Variants in NDST4 observed in about 807,000 individuals in gnomAD.
The protein encoded by NDST4 is N-heparan sulfate sulfotransferase 4.
A neutral mutation model predicts 100.8 loss-of-function variants in NDST4; 63 were observed. The observed-to-expected ratio is 0.62, with a 90% confidence interval of 0.51 to 0.77. The LOEUF (loss-of-function observed/expected upper bound fraction) is 0.77, where lower values mean the gene tolerates loss of function less well. Ranked by LOEUF, NDST4 falls within the 30% of genes least tolerant of loss-of-function variation. The pLI is 0.00. For missense variants in NDST4, 943 were observed against 1,018.4 expected (o/e 0.93, Z 1.01); for synonymous variants, 377 against 361.8 (o/e 1.04, Z -0.48).
chr4:114,966,173 C>A (rs57525667), intron 4 of NDST4, among the ~76,000 whole-genome samples: 2,601 of 152,024 alleles, frequency 0.017, 85 homozygotes, highest in African/African-American at 0.06. Context: ...CATATATGTG[C>A]ATGGAGTAAG....
At chr4:115,061,112 C>T (rs1170968047) in intron 2 of NDST4, among the ~76,000 whole-genome samples, 1 of 151,962 alleles carries the variant, frequency 6.6e-6, no homozygotes, top group Non-Finnish European at 1.5e-5. Flanking sequence ...ATCAAAACCA[C>T]AATGAGATAT....
intron 2 of NDST4, among the ~76,000 whole-genome samples, chr4:115,011,485 T>G (rs1727544919): frequency 6.6e-6 from 1 of 151,800 alleles, no homozygotes; most frequent in African/African-American, 2.4e-5. Context: ...TCCTGCAATC[T>G]CCAGTACTCA....
At chr4:114,887,017 G>A (rs1419651133) in intron 6 of NDST4, among the ~76,000 whole-genome samples, 3 of 152,064 alleles carry the variant, frequency 2.0e-5, no homozygotes, top group Non-Finnish European at 2.9e-5. Flanking sequence ...TTCTTTTTAC[G>A]AGGTACATAA....
At chr4:114,834,808 G>A (rs1263016519) in intron 11 of NDST4, among the ~76,000 whole-genome samples, 1 of 152,062 alleles carries the variant, frequency 6.6e-6, no homozygotes, top group African/African-American at 2.4e-5. Flanking sequence ...GTCTATTCAG[G>A]GATTTGACTT....
chr4:114,855,172 T>C (rs1176977819), intron 7 of NDST4, among the ~76,000 whole-genome samples: 2 of 152,188 alleles, frequency 1.3e-5, no homozygotes, highest in Admixed American at 1.3e-4. Context: ...CCCTTACATA[T>C]TCTGGTTAAA....
At chr4:115,073,786 G>T (rs1729126115) in intron 2 of NDST4, among the ~76,000 whole-genome samples, 1 of 151,866 alleles carries the variant, frequency 6.6e-6, no homozygotes, top group Non-Finnish European at 1.5e-5. Flanking sequence ...TACTAAAAGA[G>T]TAGATTTTAA....
chr4:114,955,604 T>C (rs1207400841), intron 4 of NDST4, among the ~76,000 whole-genome samples: 1 of 152,100 alleles, frequency 6.6e-6, no homozygotes, highest in Non-Finnish European at 1.5e-5. Flanking sequence ...GAAAGAATAG[T>C]AGGATGCAGA....
intron 12 of NDST4, among the ~76,000 whole-genome samples, chr4:114,833,323 C>T (rs1433221021): frequency 6.6e-6 from 1 of 152,070 alleles, no homozygotes; most frequent in Non-Finnish European, 1.5e-5. Flanking sequence ...ACACTTTCTG[C>T]ACAGGTAGGC....
At chr4:114,915,033 TA>T (rs1355366621) in intron 6 of NDST4, among the ~76,000 whole-genome samples, 4 of 152,116 alleles carry the variant, frequency 2.6e-5, no homozygotes, top group African/African-American at 9.7e-5. Flanking sequence ...TTTAATGAAT[TA>T]AAACAAGAAG....
At chr4:115,059,573 G>A (rs754378893) in intron 2 of NDST4, among the ~76,000 whole-genome samples, 1 of 151,866 alleles carries the variant, frequency 6.6e-6, no homozygotes, top group African/African-American at 2.4e-5. Flanking sequence ...ATTAACCCAA[G>A]GAGTTCTATT....
At chr4:114,934,002 C>T (rs927907214) in intron 6 of NDST4, among the ~76,000 whole-genome samples, 3 of 151,978 alleles carry the variant, frequency 2.0e-5, no homozygotes, top group African/African-American at 4.8e-5. Flanking sequence ...TATAGCCAAA[C>T]GAAATGAAAT....
intron 2 of NDST4, among the ~76,000 whole-genome samples, chr4:115,042,369 T>C (rs979313739): frequency 6.6e-6 from 1 of 152,108 alleles, no homozygotes; most frequent in South Asian, 2.1e-4. Flanking sequence ...GAAGGATAAA[T>C]TGTAGTCTAC....
chr4:115,077,076 T>G lies in NDST4; in HGVS notation c.-40A>C. ...TTTTGGAAGCTTTTTCCCAATTTCG[T>G]TTCCTAAAGTGCCATAGTGAATAAA... On this transcript the variant is annotated 5_prime_UTR_variant, in exon 2 of 14. Coordinates refer to ENST00000264363, the MANE Select transcript of NDST4 (RefSeq NM_022569.3). 1 of 1,533,664 alleles carries G rather than the reference T, an allele frequency of 6.5e-7. No homozygotes were observed. The highest frequency in any genetic ancestry group is 8.8e-7 in the Non-Finnish European group (1 of 1,141,574).
intron 11 of NDST4, among the ~76,000 whole-genome samples, chr4:114,835,422 C>T (rs190076936): frequency 8.4e-4 from 128 of 152,206 alleles, no homozygotes; most frequent in African/African-American, 2.9e-3. Context: ...TGTAGTTGTG[C>T]GGTTTTGAGT....
chr4:115,039,532 C>T (rs1253006616), intron 2 of NDST4, among the ~76,000 whole-genome samples: 2 of 152,108 alleles, frequency 1.3e-5, no homozygotes, highest in African/African-American at 2.4e-5. Context: ...ATTATTCCTT[C>T]ATATGTGCAA....
intron 2 of NDST4, among the ~76,000 whole-genome samples, chr4:115,036,251 T>A (rs1728230651): frequency 6.6e-6 from 1 of 151,604 alleles, no homozygotes; most frequent in African/African-American, 2.4e-5. Context: ...CTGTAACAGG[T>A]ATTTACATCA....
At chr4:114,934,478 C>T (rs1260821327) in intron 6 of NDST4, among the ~76,000 whole-genome samples, 1 of 151,078 alleles carries the variant, frequency 6.6e-6, no homozygotes, top group Admixed American at 6.6e-5. Flanking sequence ...GGCGTGAACC[C>T]GGGAGGCGGA....
intron 6 of NDST4, among the ~76,000 whole-genome samples, chr4:114,909,566 A>G (rs1725021112): frequency 6.7e-6 from 1 of 149,550 alleles, no homozygotes; most frequent in Non-Finnish European, 1.5e-5. Flanking sequence ...AGGCTGAGGC[A>G]GGAGAATGGC....
chr4:115,015,567 C>T (rs1368356428), intron 2 of NDST4, among the ~76,000 whole-genome samples: 2 of 151,926 alleles, frequency 1.3e-5, no homozygotes, highest in East Asian at 1.9e-4. Context: ...GGAAGAAGTA[C>T]GTGCATAATT....
Sources: allele counts gnomAD v4.1 joint callset (sites outside exome capture counted in the v4.1 genomes callset), GRCh38; gene constraint gnomAD v4.1.1; transcripts MANE v1.5; gene names NCBI Gene and HGNC (gene_info 2026-07-23, HGNC 2026-07-21).